IGF1R: variants seen among roughly 807,000 people sequenced by gnomAD.
IGF1R encodes insulin like growth factor 1 receptor.
A neutral mutation model predicts 144.6 loss-of-function variants in IGF1R; 44 were observed. The observed-to-expected ratio is 0.30, with a 90% CI of 0.24 to 0.39. IGF1R has a LOEUF of 0.39. IGF1R is among the 10% of genes least tolerant of loss of function. IGF1R has a pLI of 1.00. For synonymous variants in IGF1R, 795 were observed against 722.8 expected, an observed-to-expected ratio of 1.10 and a Z score of -1.60; for missense variants, 1,355 against 1,833.7, an observed-to-expected ratio of 0.74 and a Z score of 4.77.
rs1371503772 is a variant in IGF1R, at chr15:98,962,396, A to T, written c.*4954A>T. On this transcript the variant is annotated 3_prime_UTR_variant, in exon 21 of 21. Coordinates refer to ENST00000650285, the MANE Select transcript of IGF1R (RefSeq NM_000875.5). ...AGCAGCATTGGGAGATGTGGACCAGAGATCCACTCCTTAAGAACCAGTGGC... is the reference window on the plus strand; with the variant it reads ...AGCAGCATTGGGAGATGTGGACCAGTGATCCACTCCTTAAGAACCAGTGGC... The T allele has an allele frequency of 8.6e-6, 2 of 233,626 alleles. No homozygotes were observed. Among genetic ancestry groups the T allele is most frequent in the South Asian group, 1.8e-4 (1 of 5,532 alleles). The allele number at this position is 233,626 out of a possible 1,614,324, so 14.5% of individuals were successfully genotyped here.
At chr15:98,902,415 C>CTTTTTTT (rs11434197) in intron 5 of IGF1R, among the ~76,000 whole-genome samples, 4 of 119,848 alleles carry the variant, frequency 3.3e-5, no homozygotes, top group Non-Finnish European at 6.8e-5. Flanking sequence ...TTTTCTTGAA[C>CTTTTTTT]TTTTTTTTTT....
intron 2 of IGF1R, among the ~76,000 whole-genome samples, chr15:98,774,603 CAAAT>C (rs1341733978): frequency 2.1e-5 from 3 of 142,068 alleles, no homozygotes; most frequent in Admixed American, 7.7e-5. Context: ...CACAAAAGGA[CAAAT>C]ACTCTATGTG....
At chr15:98,934,001 G>C (rs1229483396) in intron 15 of IGF1R, among the ~76,000 whole-genome samples, 2 of 152,062 alleles carry the variant, frequency 1.3e-5, no homozygotes, top group Admixed American at 1.3e-4. Flanking sequence ...AAAAGAAACA[G>C]ATCAAATGCA....
chr15:98,884,813 A>G (rs1243219464), intron 2 of IGF1R, among the ~76,000 whole-genome samples: 4 of 152,064 alleles, frequency 2.6e-5, no homozygotes, highest in Non-Finnish European at 5.9e-5. Flanking sequence ...TAGAATGCAC[A>G]TCTGATCATG....
At chr15:98,691,468 A>G (rs992583115) in intron 1 of IGF1R, among the ~76,000 whole-genome samples, 4 of 151,240 alleles carry the variant, frequency 2.6e-5, no homozygotes, top group African/African-American at 9.7e-5. Context: ...GGTTCAAGCA[A>G]TTCTCCTGCT....
At chr15:98,765,306 ACCTT>A in intron 2 of IGF1R, among the ~76,000 whole-genome samples, 1 of 90,848 alleles carries the variant, frequency 1.1e-5, no homozygotes, top group Non-Finnish European at 2.0e-5. Context: ...TCATGCCAAC[ACCTT>A]TTTTTTTTTT....
At chr15:98,814,010 T>A (rs2056645956) in intron 2 of IGF1R, among the ~76,000 whole-genome samples, 1 of 152,266 alleles carries the variant, frequency 6.6e-6, no homozygotes, top group African/African-American at 2.4e-5. Context: ...TGTTTTTTAC[T>A]TTCAATGCTG....
chr15:98,935,488 C>G lies in IGF1R; in HGVS notation c.3297+62C>G. 2.2e-6 allele frequency: 2 copies of G among 922,684 alleles called. No individual in the cohort carries two copies. Among genetic ancestry groups the G allele is most frequent in the South Asian group, 2.8e-5 (2 of 71,738 alleles). 57.2% of individuals were successfully genotyped at this position (922,684 alleles called of 1,614,324 possible). A position where few individuals can be genotyped will look rare whatever the true frequency, so the allele number is the denominator to read the frequency against. On this transcript the variant is annotated intron_variant, in intron 17 of 20. Transcript: ENST00000650285. This position sits in a 1 kb window ranked among gnomAD's most constrained non-coding sequence, Gnocchi z 4.2. ...GGCCTGCTCTCTTTTCCTTTATAAT[C>G]TCCCTGCAAGGAAATGCTGTGTCTT...
At position 98,958,940 on chromosome 15, in the gene IGF1R, AGTT is replaced by A. The variant is rs1042212608; in HGVS notation, c.*1502_*1504del. ...CATCCCTGCTCCCACCTGCCCCTTT[AGTT>A]GTTTTCTAACCCGTAGGCTCTCTGG... On this transcript the variant is annotated 3_prime_UTR_variant, in exon 21 of 21. Coordinates refer to ENST00000650285, the MANE Select transcript of IGF1R (RefSeq NM_000875.5). The A allele has an allele frequency of 1.3e-4, 30 of 233,318 alleles. No homozygotes were observed. Among genetic ancestry groups the A allele is most frequent in the South Asian group, 5.4e-4 (3 of 5,520 alleles). 14.5% of individuals were successfully genotyped at this position (233,318 alleles called of 1,614,324 possible). A position where few individuals can be genotyped will look rare whatever the true frequency, so the allele number is the denominator to read the frequency against.
intron 8 of IGF1R, among the ~76,000 whole-genome samples, chr15:98,914,047 G>T (rs780313421): frequency 1.3e-5 from 2 of 152,232 alleles, no homozygotes; most frequent in Non-Finnish European, 2.9e-5. Flanking sequence ...GGCGCTGGCA[G>T]ATTTGGTGTC....
intron 20 of IGF1R, among the ~76,000 whole-genome samples, chr15:98,952,208 A>ATG (rs2016801462): frequency 6.6e-6 from 1 of 151,978 alleles, no homozygotes; most frequent in East Asian, 1.9e-4. Context: ...AGGTTACACC[A>ATG]TGTGAGAGTC....
intron 6 of IGF1R, among the ~76,000 whole-genome samples, chr15:98,909,464 G>A (rs1292398185): frequency 6.6e-6 from 1 of 151,722 alleles, no homozygotes; most frequent in East Asian, 1.9e-4. Context: ...TCATCATGTT[G>A]GCCAGGCTGG....
chr15:98,664,634 A>C (rs550309694), intron 1 of IGF1R, among the ~76,000 whole-genome samples: 1 of 148,830 alleles, frequency 6.7e-6, no homozygotes, highest in African/African-American at 2.5e-5. Context: ...TGGAGGTTGC[A>C]GTGAGCCAAG....
intron 1 of IGF1R, among the ~76,000 whole-genome samples, chr15:98,672,673 T>C (rs2141199101): frequency 6.6e-6 from 1 of 151,458 alleles, no homozygotes; most frequent in African/African-American, 2.4e-5. Flanking sequence ...GTGATGAGAG[T>C]CATAAGATTT....
At chr15:98,930,930 G>T (rs185975135) in intron 15 of IGF1R, among the ~76,000 whole-genome samples, 3 of 152,266 alleles carry the variant, frequency 2.0e-5, no homozygotes, top group African/African-American at 4.8e-5. Context: ...TTTATATCCA[G>T]ACCTTTTGAG....
At chr15:98,661,956 C>CTTTTTT (rs869208651) in intron 1 of IGF1R, among the ~76,000 whole-genome samples, 9 of 105,722 alleles carry the variant, frequency 8.5e-5, no homozygotes, top group African/African-American at 3.1e-4. Context: ...GAATAGGGCC[C>CTTTTTT]TTTTTTTTTT....
Position 98,870,899 on chromosome 15 carries a change from C to T in IGF1R, c.641-20426C>T, listed in dbSNP as rs7177876. On this transcript the variant is annotated intron_variant, in intron 2 of 20. Coordinates refer to ENST00000650285, the MANE Select transcript of IGF1R (RefSeq NM_000875.5). The stretch of plus-strand genomic sequence containing the variant: ...TGAAGGAATGTTCCCATGGCACTGG[C>T]ACCAGGATGACTTTTTGTGAAGCAG... 7.5e-3 allele frequency among the ~76,000 whole-genome samples: 1,141 copies of T among 152,320 alleles called. 17 individuals are homozygous for T. Among genetic ancestry groups the T allele is most frequent in the African/African-American group, 0.026 (1,072 of 41,574 alleles).
rs563184330 is a variant in IGF1R, at chr15:98,717,626, C to A, written c.640+9519C>A. On this transcript the variant is annotated intron_variant, in intron 2 of 20. Transcript: ENST00000650285. ...CTATATCGGGGTGCCAGTGGAGTCA[C>A]CCTAGTCATATGTAAACTCTATTTA... Among the ~76,000 whole-genome samples, 197 of 152,226 alleles carry A rather than the reference C, an allele frequency of 1.3e-3. 1 individual carries two copies. The highest frequency in any genetic ancestry group is 1.8e-3 in the Non-Finnish European group (121 of 68,006).
Position 98,770,342 on chromosome 15 carries a change from G to T in IGF1R, c.640+62235G>T, listed in dbSNP as rs1034942225. 2.0e-5 allele frequency among the ~76,000 whole-genome samples: 3 copies of T among 152,232 alleles called. No individual in the cohort carries two copies. In the South Asian group the frequency reaches 6.2e-4, roughly 31 times the overall value. On this transcript the variant is annotated intron_variant, in intron 2 of 20. Transcript: ENST00000650285. ...TGATGGTTACCAGAGACTGGGAAAGGGGGCGATGAAGAGGGGTAGAGAATG... is the reference window on the plus strand; with the variant it reads ...TGATGGTTACCAGAGACTGGGAAAGTGGGCGATGAAGAGGGGTAGAGAATG...
Sources: allele counts gnomAD v4.1 joint callset (sites outside exome capture counted in the v4.1 genomes callset), GRCh38; gene constraint gnomAD v4.1.1; non-coding constraint Gnocchi (gnomAD v3.1); transcripts MANE v1.5; gene names NCBI Gene and HGNC (gene_info 2026-07-23, HGNC 2026-07-21).